The following ITGB5 variants were observed in gnomAD, a reference collection of about 807,000 sequenced individuals.
ITGB5 encodes the protein integrin beta-5.
Under a neutral mutation model 84.8 loss-of-function variants are expected in ITGB5, and 38 were observed. The ratio of observed to expected loss-of-function variants is 0.45; its 90% CI spans 0.35 to 0.59. ITGB5 has a LOEUF of 0.59. Among genes scored for constraint, ITGB5 ranks in the 20% least tolerant of loss-of-function variants. The probability of loss-of-function intolerance (pLI) is 0.01; values close to 1 mark genes in which losing one functional copy is unlikely to be tolerated. For synonymous variants in ITGB5, 393 were observed against 414.4 expected, an observed-to-expected ratio of 0.95 and a Z score of 0.63; for missense variants, 905 against 1,034.5, an observed-to-expected ratio of 0.87 and a Z score of 1.72.
In ITGB5 at chr3:124,773,792, C is replaced by T. The variant is rs768755718; in HGVS notation, c.1814G>A (p.Arg605His). The change falls in exon 11 of 15, where the codon CGT becomes CAT. Residue 605 changes from arginine (R) to histidine (H), a missense_variant. Transcript: ENST00000296181. ...RGRDGQICSE[R>H]GHCLCGQCQC... ...GCACTGCCCACAGAGACAGTGCCCA[C>T]GCTCGCTGCAGATCTGGCCATCTCT... 33 of 1,613,724 alleles carry T rather than the reference C, an allele frequency of 2.0e-5. No homozygotes were observed. The highest frequency in any genetic ancestry group is 4.5e-5 in the East Asian group (2 of 44,904).
intron 1 of ITGB5, among the ~76,000 whole-genome samples, 179 bp downstream of exon 1, chr3:124,886,751 CG>C (rs1559989034): frequency 2.0e-5 from 3 of 151,500 alleles, no homozygotes. Context: ...GACAGCCCGG[CG>C]GGGCTGCGCG....
chr3:124,884,427 G>A (rs575160275), intron 1 of ITGB5, among the ~76,000 whole-genome samples: 43 of 152,252 alleles, frequency 2.8e-4, no homozygotes, highest in South Asian at 2.7e-3. Context: ...GAGGCCAGCC[G>A]TGGTGGCTCA....
At chr3:124,827,060 C>T (rs542918601) in intron 5 of ITGB5, among the ~76,000 whole-genome samples, 5 of 152,062 alleles carry the variant, frequency 3.3e-5, no homozygotes, top group South Asian at 2.1e-4. Flanking sequence ...CTGTATTCCA[C>T]GTTTGGGGAA....
intron 5 of ITGB5, among the ~76,000 whole-genome samples, chr3:124,840,201 T>C (rs1203624068): frequency 6.6e-6 from 1 of 152,206 alleles, no homozygotes; most frequent in African/African-American, 2.4e-5. Flanking sequence ...AATAAGTGAA[T>C]AGCAGCTGCC....
At chr3:124,835,152 C>T (rs1305260703) in intron 5 of ITGB5, among the ~76,000 whole-genome samples, 5 of 152,120 alleles carry the variant, frequency 3.3e-5, no homozygotes, top group Non-Finnish European at 7.4e-5. Context: ...CAAAAAGAAA[C>T]GCAAACTCTC....
At chr3:124,879,276 C>T (rs1351200280) in intron 1 of ITGB5, among the ~76,000 whole-genome samples, 2 of 152,216 alleles carry the variant, frequency 1.3e-5, no homozygotes, top group East Asian at 1.9e-4. Context: ...CAAGGTCAGA[C>T]AACTACTACT....
chr3:124,851,880 G>A (rs1038163410), intron 3 of ITGB5, among the ~76,000 whole-genome samples: 5 of 152,118 alleles, frequency 3.3e-5, no homozygotes, highest in Admixed American at 3.3e-4. Flanking sequence ...CAGATCCATG[G>A]TGTGGGCATT....
At chr3:124,861,521 CACACACAG>C (rs1388581335) in intron 2 of ITGB5, among the ~76,000 whole-genome samples, 241 of 147,012 alleles carry the variant, frequency 1.6e-3, no homozygotes, top group Middle Eastern at 0.011. Flanking sequence ...CACACACACA[CACACACAG>C]AGAGATACAC....
rs28592634 is a variant in ITGB5, at chr3:124,870,744, A to G, written c.156+2702T>C. Among the ~76,000 whole-genome samples the G allele has an allele frequency of 1.6e-3, 182 of 110,864 alleles. 1 individual carries two copies. Among genetic ancestry groups the G allele is most frequent in the African/African-American group, 4.0e-3 (133 of 33,248 alleles). The allele number at this position is 110,864 out of a possible 152,430, so 72.7% of individuals were successfully genotyped here. On this transcript the variant is annotated intron_variant, in intron 2 of 14. Coordinates refer to ENST00000296181, the MANE Select transcript of ITGB5 (RefSeq NM_002213.5). ...CCATCTCAAAAGAAAAAAAAAAAAA[A>G]AAACCCCAGTGGAGGGAGCTTACAT...
At chr3:124,870,296 A>G (rs1033245975) in intron 2 of ITGB5, among the ~76,000 whole-genome samples, 1 of 152,252 alleles carries the variant, frequency 6.6e-6, no homozygotes, top group African/African-American at 2.4e-5. Context: ...CTAAAGAAGC[A>G]CAGAGTACAC....
intron 1 of ITGB5, among the ~76,000 whole-genome samples, chr3:124,877,209 G>A (rs1934365807): frequency 6.6e-6 from 1 of 150,422 alleles, no homozygotes; most frequent in South Asian, 2.1e-4. Context: ...AAACTCCTGG[G>A]CTCAAGTGAT....
In ITGB5 at chr3:124,766,211, G is replaced by T; in HGVS notation, c.2137+15C>A. 1.9e-6 allele frequency: 3 copies of T among 1,611,848 alleles called. No individual in the cohort carries two copies. The highest frequency in any genetic ancestry group is 1.1e-5 in the South Asian group (1 of 90,662). ...GGCTGGCTGAGTGGGCCGAGCCCTT[G>T]CAGCCCTCACCTACCTGGCTCCCTG... On this transcript the variant is annotated intron_variant, in intron 13 of 14. Coordinates refer to ENST00000296181, the MANE Select transcript of ITGB5 (RefSeq NM_002213.5).
chr3:124,814,638 G>A (rs2064558784), intron 8 of ITGB5, among the ~76,000 whole-genome samples: 1 of 151,938 alleles, frequency 6.6e-6, no homozygotes. Context: ...AAAATTTTTG[G>A]TCTCGCTATG....
chr3:124,829,349 T>C (rs1048836762), intron 5 of ITGB5, among the ~76,000 whole-genome samples: 1 of 152,110 alleles, frequency 6.6e-6, no homozygotes, highest in Admixed American at 6.5e-5. Context: ...GATGAAAGCG[T>C]TAGGAGCGCG....
intron 5 of ITGB5, among the ~76,000 whole-genome samples, chr3:124,830,706 G>A (rs1286210026): frequency 1.3e-5 from 2 of 152,140 alleles, no homozygotes; most frequent in East Asian, 1.9e-4. Context: ...TTCCTTGGCC[G>A]GGCACGGTGG....
At chr3:124,835,958 T>G (rs1181525695) in intron 5 of ITGB5, among the ~76,000 whole-genome samples, 1 of 151,770 alleles carries the variant, frequency 6.6e-6, no homozygotes, top group African/African-American at 2.4e-5. Flanking sequence ...AAAAGCAAAA[T>G]CAAAGGCCTT....
intron 1 of ITGB5, among the ~76,000 whole-genome samples, chr3:124,875,349 A>G (rs1211560935): frequency 1.3e-5 from 2 of 151,708 alleles, no homozygotes; most frequent in East Asian, 3.9e-4. Context: ...GTGGTGGTGC[A>G]CCTCCTAATC....
chr3:124,860,955 C>T (rs551608503), intron 2 of ITGB5, among the ~76,000 whole-genome samples: 2 of 151,754 alleles, frequency 1.3e-5, no homozygotes, highest in South Asian at 2.1e-4. Flanking sequence ...AATCCCAGCA[C>T]TTTGAGAGAC....
At position 124,763,401 on chromosome 3, in the gene ITGB5, A is replaced by G. The variant is rs575904522; in HGVS notation, c.*222T>C. 5.2e-5 allele frequency: 20 copies of G among 384,718 alleles called. No homozygotes were observed. Among genetic ancestry groups the G allele is most frequent in the South Asian group, 4.6e-4 (11 of 23,982 alleles). 23.8% of individuals were successfully genotyped at this position (384,718 alleles called of 1,614,324 possible). ...GCCAAGGTCCCCTTGCTTTATCCCA[A>G]GCTCGGAGGGACGCAGCCTGGCATG... On this transcript the variant is annotated 3_prime_UTR_variant, in exon 15 of 15. Coordinates refer to ENST00000296181, the MANE Select transcript of ITGB5 (RefSeq NM_002213.5).
Sources: gnomAD v4.1 joint callset for allele counts (sites outside exome capture counted in the v4.1 genomes callset) on GRCh38, gnomAD v4.1.1 for gene constraint, MANE v1.5 for transcripts, NCBI Gene and HGNC (gene_info 2026-07-23, HGNC 2026-07-21) for gene names.